Variants in ERC2 observed in about 807,000 individuals in gnomAD.
ERC2 encodes ELKS/RAB6-interacting/CAST family member 2, also known as ERC protein 2.
Under a neutral mutation model 114.8 loss-of-function variants are expected in ERC2, and 42 were observed. The observed-to-expected ratio is 0.37, with a 90% confidence interval of 0.29 to 0.47. The LOEUF (loss-of-function observed/expected upper bound fraction) is 0.47, where lower values mean the gene tolerates loss of function less well. Among genes scored for constraint, ERC2 ranks in the 20% least tolerant of loss-of-function variants. The probability of loss-of-function intolerance (pLI) is 0.99; values close to 1 mark genes in which losing one functional copy is unlikely to be tolerated. For missense variants in ERC2, 939 were observed against 1,150.7 expected (o/e 0.82, Z 2.66); for synonymous variants, 454 against 425.5 (o/e 1.07, Z -0.82).
intron 3 of ERC2, among the ~76,000 whole-genome samples, chr3:56,223,322 C>T (rs1404716494): frequency 6.6e-6 from 1 of 152,070 alleles, no homozygotes; most frequent in East Asian, 1.9e-4. Flanking sequence ...GGTGGGACCT[C>T]TGTTAACCAC....
At chr3:55,781,381 T>C (rs1239291163) in intron 14 of ERC2, among the ~76,000 whole-genome samples, 1 of 152,156 alleles carries the variant, frequency 6.6e-6, no homozygotes, top group Non-Finnish European at 1.5e-5. Context: ...CCAGGGTAGG[T>C]GCTCAGAAAA....
chr3:55,539,612 A>G (rs1348028456), intron 17 of ERC2, among the ~76,000 whole-genome samples: 1 of 150,724 alleles, frequency 6.6e-6, no homozygotes, highest in Non-Finnish European at 1.5e-5. Flanking sequence ...TAATTTTAGT[A>G]GAGACAGGGT....
intron 17 of ERC2, among the ~76,000 whole-genome samples, chr3:55,599,415 ATGTT>A (rs2058297930): frequency 6.6e-6 from 1 of 152,230 alleles, no homozygotes; most frequent in African/African-American, 2.4e-5. Flanking sequence ...AAATTAAGTA[ATGTT>A]TTTAAATTTT....
At chr3:55,625,643 C>T (rs2059492128) in intron 17 of ERC2, among the ~76,000 whole-genome samples, 1 of 151,588 alleles carries the variant, frequency 6.6e-6, no homozygotes, top group Admixed American at 6.6e-5. Context: ...CCCAGCTACT[C>T]GGGAGGCTGA....
chr3:55,637,629 T>C lies in ERC2; in HGVS notation c.*39+46165A>G, dbSNP rs374611412. 4.6e-5 allele frequency among the ~76,000 whole-genome samples: 7 copies of C among 152,348 alleles called. No individual in the cohort carries two copies. In the East Asian group the frequency reaches 1.4e-3, roughly 29 times the overall value. On this transcript the variant is annotated intron_variant, in intron 17 of 17. Coordinates refer to ENST00000288221, the MANE Select transcript of ERC2 (RefSeq NM_015576.3). The stretch of plus-strand genomic sequence containing the variant: ...CAGCTTGAATGCATTGAGTACTCAC[T>C]GGAGCCAGCTTTCAAATGCAGTACA...
intron 7 of ERC2, among the ~76,000 whole-genome samples, chr3:56,069,591 C>T (rs1338600680): frequency 6.6e-6 from 1 of 151,998 alleles, no homozygotes; most frequent in East Asian, 1.9e-4. Context: ...ATTCATAGTC[C>T]CAGGCATTAT....
At chr3:55,645,490 T>C (rs550116203) in intron 17 of ERC2, among the ~76,000 whole-genome samples, 21 of 152,254 alleles carry the variant, frequency 1.4e-4, no homozygotes, top group Admixed American at 2.0e-4. Context: ...TCTTCTTTTG[T>C]TAAGGAATTT....
chr3:56,186,114 T>TAAAAAAAAAAAAAAAAAA (rs201544979), intron 3 of ERC2, among the ~76,000 whole-genome samples: 4 of 102,544 alleles, frequency 3.9e-5, no homozygotes, highest in East Asian at 2.5e-4. Context: ...TCAAGAACCT[T>TAAAAAAAAAAAAAAAAAA]AAAAAAAAAA....
chr3:56,400,022 CAA>C (rs562408516), intron 2 of ERC2, among the ~76,000 whole-genome samples: 1 of 139,940 alleles, frequency 7.1e-6, no homozygotes. Flanking sequence ...AAGCAAATTT[CAA>C]AAAAAAAAAA....
At chr3:55,589,419 A>G (rs1259813027) in intron 17 of ERC2, among the ~76,000 whole-genome samples, 1 of 152,126 alleles carries the variant, frequency 6.6e-6, no homozygotes, top group Non-Finnish European at 1.5e-5. Context: ...ATTTGGCAGA[A>G]ATAATTCCGC....
intron 3 of ERC2, among the ~76,000 whole-genome samples, chr3:56,218,387 A>T (rs1192910689): frequency 6.6e-6 from 1 of 152,252 alleles, no homozygotes; most frequent in African/African-American, 2.4e-5. Context: ...ACACATGAAA[A>T]AATGCTCATC....
At chr3:55,778,344 G>A (rs1213648305) in intron 14 of ERC2, among the ~76,000 whole-genome samples, 1 of 152,194 alleles carries the variant, frequency 6.6e-6, no homozygotes, top group African/African-American at 2.4e-5. Context: ...GAGTGGTGTG[G>A]TAAGAAAACA....
At chr3:56,246,093 TAAA>T (rs34868223) in intron 3 of ERC2, among the ~76,000 whole-genome samples, 34,959 of 127,650 alleles carry the variant, frequency 0.27, 5,426 homozygotes, top group East Asian at 0.62. Context: ...TCAGATTCTT[TAAA>T]AAAAAAAAAA....
intron 15 of ERC2, among the ~76,000 whole-genome samples, chr3:55,700,461 G>A (rs958890276): frequency 1.3e-5 from 2 of 152,212 alleles, no homozygotes; most frequent in East Asian, 1.9e-4. Flanking sequence ...ACTCTAAAAT[G>A]AGAGGAATAG....
At chr3:56,055,124 C>T (rs112485850) in intron 7 of ERC2, among the ~76,000 whole-genome samples, 8 of 152,282 alleles carry the variant, frequency 5.3e-5, no homozygotes, top group East Asian at 1.9e-4. Context: ...CCAAACACGG[C>T]GACCTGGGCC....
intron 17 of ERC2, among the ~76,000 whole-genome samples, chr3:55,537,192 T>C (rs1223984352): frequency 1.3e-5 from 2 of 151,854 alleles, no homozygotes; most frequent in Non-Finnish European, 2.9e-5. Context: ...GCCGGCCACA[T>C]TTCCACAAGA....
chr3:55,520,116 G>C (rs2052808542), intron 17 of ERC2, among the ~76,000 whole-genome samples: 1 of 151,748 alleles, frequency 6.6e-6, no homozygotes, highest in Non-Finnish European at 1.5e-5. Flanking sequence ...ATGTGGCCTG[G>C]AAAAGTTTAC....
chr3:55,720,145 CTT>C (rs1559547055), intron 15 of ERC2, among the ~76,000 whole-genome samples: 1,944 of 3,282 alleles, frequency 0.59, 767 homozygotes, highest in Non-Finnish European at 0.67. Flanking sequence ...TCTTCTTCCT[CTT>C]CTTCTTCTTC....
intron 14 of ERC2, among the ~76,000 whole-genome samples, chr3:55,759,259 T>G (rs1405621593): frequency 6.6e-6 from 1 of 152,152 alleles, no homozygotes; most frequent in Admixed American, 6.5e-5. Context: ...CTTGTCATTT[T>G]GAAAATTACA....
Sources: gnomAD v4.1 joint callset for allele counts (sites outside exome capture counted in the v4.1 genomes callset) on GRCh38, gnomAD v4.1.1 for gene constraint, MANE v1.5 for transcripts, NCBI Gene and HGNC (gene_info 2026-07-23, HGNC 2026-07-21) for gene names.